SNED1: variants seen among roughly 807,000 people sequenced by gnomAD.
The protein encoded by SNED1 is sushi, nidogen and EGF-like domain-containing protein 1.
A neutral mutation model predicts 166.7 loss-of-function variants in SNED1; 81 were observed. The observed-to-expected ratio is 0.49, with a 90% CI of 0.41 to 0.58. SNED1 has a LOEUF of 0.58. SNED1 is among the 20% of genes least tolerant of loss of function. The probability of loss-of-function intolerance (pLI) is 0.00; values close to 1 mark genes in which losing one functional copy is unlikely to be tolerated. For missense variants in SNED1, 1,604 were observed against 2,000.2 expected, an observed-to-expected ratio of 0.80 and a Z score of 3.78; for synonymous variants, 762 against 822.0, an observed-to-expected ratio of 0.93 and a Z score of 1.25.
At chr2:241,031,387 A>T (rs112860957) in intron 2 of SNED1, among the ~76,000 whole-genome samples, 9,316 of 152,162 alleles carry the variant, frequency 0.061, 610 homozygotes, top group African/African-American at 0.16. Flanking sequence ...CTGGTCTCGA[A>T]CTCCTGACCT....
rs1009278359 is a variant in SNED1 at position 240,998,966 on chromosome 2, C to T, written c.129C>T (p.Thr43=). The part of the protein sequence containing the change: ...PFGAERGDAV[T]PKQDDGGSGL... ...GCGCCGAGCGCGGCGACGCCGTCAC[C>T]CCCAAGCAGGACGACGGCGGCTCGG... Residue 43 remains threonine, a synonymous_variant, in exon 1 of 32, where the codon ACC becomes ACT. Transcript: ENST00000310397. The T allele has an allele frequency of 2.3e-6, 3 of 1,323,142 alleles. No homozygotes were observed. The highest frequency in any genetic ancestry group is 3.1e-5 in the African/African-American group (2 of 64,160). The allele number at this position is 1,323,142 out of a possible 1,614,324, so 82.0% of individuals were successfully genotyped here.
At chr2:241,020,500 A>G (rs1426483038) in intron 1 of SNED1, among the ~76,000 whole-genome samples, 1 of 152,246 alleles carries the variant, frequency 6.6e-6, no homozygotes, top group Non-Finnish European at 1.5e-5. Context: ...AGCTTCCCCA[A>G]GGGGTAGCTG....
intron 1 of SNED1, among the ~76,000 whole-genome samples, chr2:241,007,686 C>T (rs145587186): frequency 6.6e-6 from 1 of 152,306 alleles, no homozygotes; most frequent in Non-Finnish European, 1.5e-5. Flanking sequence ...CTTCGGGTTA[C>T]CATCTCATAT....
At chr2:241,058,764 C>G (rs1024905469) in intron 16 of SNED1, among the ~76,000 whole-genome samples, 8 of 152,126 alleles carry the variant, frequency 5.3e-5, no homozygotes, top group African/African-American at 9.7e-5. Context: ...TCCTGGCTAA[C>G]ACGGTGAAAC....
intron 21 of SNED1, among the ~76,000 whole-genome samples, chr2:241,067,107 T>C (rs1213672425): frequency 2.0e-5 from 3 of 152,012 alleles, no homozygotes; most frequent in Non-Finnish European, 4.4e-5. Context: ...GTATCTGGAG[T>C]GAAGACAGAG....
At chr2:241,028,160 G>GCTCTCT (rs2061041355) in intron 1 of SNED1, among the ~76,000 whole-genome samples, 1 of 152,112 alleles carries the variant, frequency 6.6e-6, no homozygotes, top group African/African-American at 2.4e-5. Flanking sequence ...AGTTTTAGGA[G>GCTCTCT]CTCTCTCTAT....
Position 241,069,228 on chromosome 2 carries a change from C to A in SNED1, c.3307+205C>A, listed in dbSNP as rs1331239366. On this transcript the variant is annotated intron_variant, in intron 23 of 31. Transcript: ENST00000310397. The surrounding 1 kb of genome is among the most constrained non-coding windows in gnomAD (Gnocchi z 4.9). ...CTTGTGCTGGGACAGCTGTCCAGGG[C>A]AGTCTCCATCTCTAAAGGCTCCTGG... Among the ~76,000 whole-genome samples, 1 of 152,206 alleles carries A rather than the reference C, an allele frequency of 6.6e-6. No individual in the cohort carries two copies. The highest frequency in any genetic ancestry group is 1.5e-5 in the Non-Finnish European group (1 of 68,034).
chr2:241,033,274 G>A (rs1559242365), intron 2 of SNED1, among the ~76,000 whole-genome samples: 2 of 152,260 alleles, frequency 1.3e-5, no homozygotes, highest in African/African-American at 4.8e-5. Flanking sequence ...TACCTCATCT[G>A]TACGCTGCCT....
intron 1 of SNED1, among the ~76,000 whole-genome samples, chr2:241,017,288 GGCACAGCAAGTAGCA>G (rs1574880970): frequency 6.6e-6 from 1 of 152,254 alleles, no homozygotes; most frequent in East Asian, 1.9e-4. Flanking sequence ...AGAGCCTCAT[GGCACAGCAAGTAGCA>G]AGAGTGGTTT....
intron 1 of SNED1, among the ~76,000 whole-genome samples, chr2:241,000,781 C>T (rs1327020768): frequency 1.3e-5 from 2 of 152,202 alleles, no homozygotes; most frequent in Admixed American, 1.3e-4. Context: ...GAGCTTTTTC[C>T]TGAAACAAAG....
At chr2:241,048,475 C>A in intron 9 of SNED1, 35 bp downstream of exon 9, 2 of 1,568,344 alleles carry the variant, frequency 1.3e-6, no homozygotes, top group South Asian at 1.2e-5. Context: ...CGTTTTAGGG[C>A]TGGGGCAGGA....
At chr2:241,021,947 T>A (rs1327181155) in intron 1 of SNED1, among the ~76,000 whole-genome samples, 1 of 140,358 alleles carries the variant, frequency 7.1e-6, no homozygotes, top group African/African-American at 2.7e-5. Flanking sequence ...CTTTTTTCAT[T>A]ACAGCCATCC....
chr2:241,031,644 C>T (rs1170549835), intron 2 of SNED1, among the ~76,000 whole-genome samples: 2 of 152,254 alleles, frequency 1.3e-5, no homozygotes, highest in African/African-American at 4.8e-5. Context: ...CCTCATTGCG[C>T]CTCTCGGCTC....
intron 4 of SNED1, 22 bp downstream of exon 4, chr2:241,034,752 T>C (rs888690674): frequency 3.3e-6 from 5 of 1,524,838 alleles, no homozygotes; most frequent in South Asian, 1.2e-5. Flanking sequence ...GAGGAGCAGC[T>C]TGGGGTGGGA....
intron 1 of SNED1, among the ~76,000 whole-genome samples, chr2:241,008,094 G>A (rs1475477260): frequency 6.6e-6 from 1 of 152,270 alleles, no homozygotes; most frequent in African/African-American, 2.4e-5. Flanking sequence ...GGAGGTGGCA[G>A]CTCCCCAGCT....
intron 1 of SNED1, among the ~76,000 whole-genome samples, chr2:241,025,458 A>G (rs1431422520): frequency 2.0e-5 from 3 of 152,232 alleles, no homozygotes; most frequent in Admixed American, 1.3e-4. Flanking sequence ...GGGAAATGCA[A>G]TGACCTTGGA....
chr2:241,047,708 G>A (rs1211884754), intron 8 of SNED1, among the ~76,000 whole-genome samples: 1 of 152,250 alleles, frequency 6.6e-6, no homozygotes, highest in East Asian at 1.9e-4. Context: ...GCCCCTGGGT[G>A]GTCTCTCTGG....
chr2:240,999,003 C>T lies in SNED1; in HGVS notation c.166C>T (p.Leu56Phe). The part of the protein sequence containing the change: ...QDDGGSGLRP[L>F]SVPFPFFGAE... ...CGACGGCGGCTCGGGGCTGCGGCCG[C>T]TCTCGGTGCCCTTCCCGTTCTTCGG... The change falls in exon 1 of 32, where the codon CTC becomes TTC. Residue 56 changes from leucine to phenylalanine, a missense_variant. Around this residue, in one of 2 missense-constraint regions of SNED1, gnomAD observed 1,237 missense variants for 1,620.8 expected, o/e 0.76. Transcript: ENST00000310397. This position sits in a 1 kb window ranked among gnomAD's most constrained non-coding sequence, Gnocchi z 5.8. 3 of 1,325,812 alleles carry T rather than the reference C, an allele frequency of 2.3e-6. No homozygotes were observed. Among genetic ancestry groups the T allele is most frequent in the Admixed American group, 3.6e-5 (1 of 27,962 alleles). 82.1% of individuals were successfully genotyped at this position (1,325,812 alleles called of 1,614,324 possible).
intron 28 of SNED1, among the ~76,000 whole-genome samples, 193 bp downstream of exon 28, chr2:241,081,986 G>A (rs1176827055): frequency 6.6e-6 from 1 of 152,204 alleles, no homozygotes; most frequent in Non-Finnish European, 1.5e-5. Context: ...GATGAGAGGT[G>A]CTGCCCATCA....
Sources: gnomAD v4.1 joint callset for allele counts (sites outside exome capture counted in the v4.1 genomes callset) on GRCh38, gnomAD v4.1.1 for gene constraint, gnomAD v4.1.1 regional missense constraint, Gnocchi (gnomAD v3.1) non-coding constraint, MANE v1.5 for transcripts, NCBI Gene and HGNC (gene_info 2026-07-23, HGNC 2026-07-21) for gene names.